Variants in CTBP1 observed in about 807,000 individuals in gnomAD.
CTBP1 encodes the protein C-terminal-binding protein 1.
Under a neutral mutation model 42.1 loss-of-function variants are expected in CTBP1, and 11 were observed. The observed-to-expected ratio is 0.26, with a 90% CI of 0.16 to 0.43. The LOEUF (loss-of-function observed/expected upper bound fraction) is 0.43, where lower values mean the gene tolerates loss of function less well. Among genes scored for constraint, CTBP1 ranks in the 20% least tolerant of loss-of-function variants. The pLI is 1.00. For missense variants in CTBP1, 399 were observed against 624.3 expected, an observed-to-expected ratio of 0.64 and a Z score of 3.85; for synonymous variants, 324 against 277.1, an observed-to-expected ratio of 1.17 and a Z score of -1.68.
chr4:1,212,327 G>C lies in CTBP1; in HGVS notation c.1203C>G (p.Pro401=), dbSNP rs764108337. Residue 401 remains proline, a synonymous_variant, in exon 10 of 10, where the codon CCC becomes CCG. Coordinates refer to ENST00000382952, the MANE Select transcript of CTBP1 (RefSeq NM_001012614.2). ...GGGCGTGGGGCGGGTGGGCCACAGG[G>C]GGCAGGCCGTGGGACAGGGACATGG... The part of the protein sequence containing the change: ...PSAMSLSHGL[P]PVAHPPHAPS... 1.5e-5 allele frequency: 23 copies of C among 1,520,382 alleles called. No individual in the cohort carries two copies. In the Admixed American group the frequency reaches 1.8e-4, roughly 12 times the overall value. The allele number at this position is 1,520,382 out of a possible 1,614,324, so 94.2% of individuals were successfully genotyped here. A position where few individuals can be genotyped will look rare whatever the true frequency, so the allele number is the denominator to read the frequency against.
chr4:1,245,607 G>A, intron 1 of CTBP1: 1 of 980,576 alleles, frequency 1.0e-6, no homozygotes, highest in Non-Finnish European at 1.2e-6. Context: ...GCACGGGAGG[G>A]CAGGGTGACA....
In CTBP1 at chr4:1,238,812, G is replaced by A. The variant is rs761171869; in HGVS notation, c.8-475C>T. ...CCTCCAAGACCCTCTGAGACCCCCC[G>A]AGACCCTCCCAGACCGTCCGAGACC... is the stretch of plus-strand genomic sequence containing the variant. On this transcript the variant is annotated intron_variant, in intron 2 of 9. Coordinates refer to ENST00000382952, the MANE Select transcript of CTBP1 (RefSeq NM_001012614.2). The surrounding 1 kb of genome is among the most constrained non-coding windows in gnomAD (Gnocchi z 5.9). Among the ~76,000 whole-genome samples, 62 of 151,424 alleles carry A rather than the reference G, an allele frequency of 4.1e-4. No individual in the cohort carries two copies. Among genetic ancestry groups the A allele is most frequent in the Non-Finnish European group, 8.3e-4 (56 of 67,858 alleles).
At chr4:1,223,032 G>C (rs1729925476) in intron 5 of CTBP1, among the ~76,000 whole-genome samples, 1 of 152,056 alleles carries the variant, frequency 6.6e-6, no homozygotes, top group Non-Finnish European at 1.5e-5. Flanking sequence ...GCACACATGA[G>C]GCGCCTCCTG....
rs1023599276 is a variant in CTBP1 at position 1,244,638 on chromosome 4, C to T, written c.-188-3119G>A. On this transcript the variant is annotated intron_variant, in intron 1 of 9. Transcript: ENST00000382952. ...CCACAGCAGCCCCTAAAGCCGCTGC[C>T]CAGGAAGGGCTCCCCGACCACCAGA... 1.1e-5 allele frequency: 11 copies of T among 985,270 alleles called. No individual in the cohort carries two copies. In the African/African-American group the frequency reaches 1.9e-4, roughly 17 times the overall value. The allele number at this position is 985,270 out of a possible 1,614,324, so 61.0% of individuals were successfully genotyped here.
intron 1 of CTBP1, among the ~76,000 whole-genome samples, chr4:1,248,185 C>G (rs559216392): frequency 6.6e-6 from 1 of 152,100 alleles, no homozygotes; most frequent in South Asian, 2.1e-4. Context: ...CGGCCGCAGC[C>G]CGCGAGGAAG....
At position 1,241,604 on chromosome 4, in the gene CTBP1, G is replaced by A. The variant is rs1263880179; in HGVS notation, c.-188-85C>T. On this transcript the variant is annotated intron_variant, in intron 1 of 9. Coordinates refer to ENST00000382952, the MANE Select transcript of CTBP1 (RefSeq NM_001012614.2). ...AGACTCCAGGGAACGCCTCAGAAGTGGACCTCACTGCATCTGCCACACCCG... is the reference window on the plus strand; with the variant it reads ...AGACTCCAGGGAACGCCTCAGAAGTAGACCTCACTGCATCTGCCACACCCG... 7 of 1,459,752 alleles carry A rather than the reference G, an allele frequency of 4.8e-6. No individual in the cohort carries two copies. In the Admixed American group the frequency reaches 8.3e-5, roughly 17 times the overall value. The allele number at this position is 1,459,752 out of a possible 1,614,324, so 90.4% of individuals were successfully genotyped here. A position where few individuals can be genotyped will look rare whatever the true frequency, so the allele number is the denominator to read the frequency against.
At chr4:1,213,078 A>T in intron 8 of CTBP1, 48 bp from the exon 9 acceptor site, 1 of 1,525,196 alleles carries the variant, frequency 6.6e-7, no homozygotes, top group South Asian at 1.1e-5. Flanking sequence ...AGGGGGCCCC[A>T]GGAGCGTGGC....
At chr4:1,244,292 TG>T in intron 1 of CTBP1, 1 of 979,956 alleles carries the variant, frequency 1.0e-6, no homozygotes, top group Non-Finnish European at 1.2e-6. Context: ...CCCGGCACAC[TG>T]GGGGTCACCA....
intron 6 of CTBP1, among the ~76,000 whole-genome samples, chr4:1,215,324 T>C (rs1207046159): frequency 6.6e-6 from 1 of 152,236 alleles, no homozygotes; most frequent in Non-Finnish European, 1.5e-5. Flanking sequence ...TGTACACACA[T>C]GCACATACAT....
intron 2 of CTBP1, among the ~76,000 whole-genome samples, chr4:1,239,139 A>T (rs1448175917): frequency 6.6e-6 from 1 of 152,250 alleles, no homozygotes; most frequent in Non-Finnish European, 1.5e-5. Context: ...ATTAAAGCTC[A>T]TTAACACCCA....
At chr4:1,231,076 G>C (rs1399576967) in intron 3 of CTBP1, 3 of 152,388 alleles carry the variant, frequency 2.0e-5, no homozygotes, top group Non-Finnish European at 4.4e-5. Context: ...AACATGGCTG[G>C]GGCACCCCAT....
rs1043090383 is a variant in CTBP1 at position 1,244,829 on chromosome 4, C to T, written c.-188-3310G>A. Reference sequence around the variant, plus strand: ...AGATGCCCCCTCTGGCTGTCCAGGCCTGGAGGCCCAAAGACTAGGGCCTGG... The same window carrying T: ...AGATGCCCCCTCTGGCTGTCCAGGCTTGGAGGCCCAAAGACTAGGGCCTGG... On this transcript the variant is annotated intron_variant, in intron 1 of 9. Coordinates refer to ENST00000382952, the MANE Select transcript of CTBP1 (RefSeq NM_001012614.2). 1.5e-5 allele frequency: 15 copies of T among 985,350 alleles called. No individual in the cohort carries two copies. In the East Asian group the frequency reaches 1.5e-3, roughly 97 times the overall value. The allele number at this position is 985,350 out of a possible 1,614,324, so 61.0% of individuals were successfully genotyped here.
chr4:1,226,711 C>T (rs1730386759), intron 4 of CTBP1, among the ~76,000 whole-genome samples: 1 of 151,710 alleles, frequency 6.6e-6, no homozygotes, highest in Non-Finnish European at 1.5e-5. Context: ...ACCAGGCATG[C>T]ACCCGACACC....
chr4:1,246,526 G>A (rs1732738904), intron 1 of CTBP1, among the ~76,000 whole-genome samples: 1 of 152,192 alleles, frequency 6.6e-6, no homozygotes, highest in African/African-American at 2.4e-5. Flanking sequence ...CACTGCATGG[G>A]GAGCACCAGG....
At chr4:1,246,142 C>T (rs1173503487) in intron 1 of CTBP1, among the ~76,000 whole-genome samples, 1 of 152,196 alleles carries the variant, frequency 6.6e-6, no homozygotes, top group Non-Finnish European at 1.5e-5. Flanking sequence ...TTACCACGAC[C>T]CAGTGCGGGG....
chr4:1,225,203 G>T, intron 5 of CTBP1, 157 bp downstream of exon 5: 1 of 840,124 alleles, frequency 1.2e-6, no homozygotes. Context: ...TGGGACTCCC[G>T]GGCCCTGGTG....
chr4:1,213,786 A>C (rs1728802600), intron 7 of CTBP1, 181 bp from the exon 8 acceptor site: 1 of 711,162 alleles, frequency 1.4e-6, no homozygotes, highest in Non-Finnish European at 2.2e-6. Context: ...CATCAGACAC[A>C]CCAGGGGCTC....
At chr4:1,242,240 G>A in intron 1 of CTBP1, 4 of 985,450 alleles carry the variant, frequency 4.1e-6, no homozygotes, top group Non-Finnish European at 4.8e-6. Context: ...AGGCTTGAGA[G>A]TGCACACGAT....
chr4:1,242,484 C>G (rs1732280460), intron 1 of CTBP1: 1 of 984,982 alleles, frequency 1.0e-6, no homozygotes, highest in South Asian at 4.7e-5. Flanking sequence ...GTGAGGCCGC[C>G]CCTGCGCAGA....
Sources: allele counts gnomAD v4.1 joint callset (sites outside exome capture counted in the v4.1 genomes callset), GRCh38; gene constraint gnomAD v4.1.1; non-coding constraint Gnocchi (gnomAD v3.1); transcripts MANE v1.5; gene names NCBI Gene and HGNC (gene_info 2026-07-23, HGNC 2026-07-21).